LRRC37A2: variants seen among roughly 807,000 people sequenced by gnomAD.
LRRC37A2 encodes leucine rich repeat containing 37 member A2, also known as leucine-rich repeat-containing protein 37A2.
A neutral mutation model predicts 68.8 loss-of-function variants in LRRC37A2; 9 were observed. That is an observed-to-expected ratio of 0.13 (90% confidence interval 0.08 to 0.23). The LOEUF is 0.23. LRRC37A2 is among the 10% of genes least tolerant of loss of function. The pLI, the probability that LRRC37A2 is intolerant of heterozygous loss-of-function variation, is 1.00. For synonymous variants in LRRC37A2, 63 were observed against 367.6 expected (o/e 0.17, Z 9.48); for missense variants, 168 against 950.4 (o/e 0.18, Z 10.82).
At chr17:46,932,236 G>A in the LRRC37A2 span, 1 of 1,612,722 alleles carries the variant, frequency 6.2e-7, no homozygotes, top group Non-Finnish European at 8.5e-7. Context: ...GCCTGCACTT[G>A]ACAGATCGTG....
At chr17:46,873,750 G>A in the LRRC37A2 span, among the ~76,000 whole-genome samples, 1 of 150,870 alleles carries the variant, frequency 6.6e-6, no homozygotes, top group Non-Finnish European at 1.5e-5. Context: ...GCTCACACCT[G>A]TAATCCCAGC....
At chr17:46,953,915 A>G in the LRRC37A2 span, among the ~76,000 whole-genome samples, 2 of 152,032 alleles carry the variant, frequency 1.3e-5, no homozygotes, top group African/African-American at 4.8e-5. Flanking sequence ...GTTTGAGTTC[A>G]TTGTAGATTC....
the LRRC37A2 span, among the ~76,000 whole-genome samples, chr17:46,963,269 G>A: frequency 2.6e-5 from 4 of 152,258 alleles, no homozygotes; most frequent in African/African-American, 9.6e-5. Context: ...TGACAGCCAG[G>A]TGCAGTGGCT....
At chr17:46,633,333 G>GT in the LRRC37A2 span, among the ~76,000 whole-genome samples, 2 of 77,454 alleles carry the variant, frequency 2.6e-5, no homozygotes, top group Non-Finnish European at 5.3e-5. Flanking sequence ...TTTTTTTTTT[G>GT]TTTTTTTGAC....
chr17:46,933,087 C>G, the LRRC37A2 span: 1 of 152,294 alleles, frequency 6.6e-6, no homozygotes, highest in East Asian at 1.9e-4. Flanking sequence ...TTTAACAGTT[C>G]AAAAATTTAA....
chr17:46,959,762 C>T, the LRRC37A2 span, among the ~76,000 whole-genome samples: 45 of 152,310 alleles, frequency 3.0e-4, 2 homozygotes, highest in East Asian at 8.3e-3. Flanking sequence ...CACTACAAAA[C>T]TTTTCCCTTC....
At chr17:46,389,898 CAG>C in the LRRC37A2 span, among the ~76,000 whole-genome samples, 8 of 130,572 alleles carry the variant, frequency 6.1e-5, no homozygotes, top group African/African-American at 8.5e-5. Context: ...ATTTCTTAAA[CAG>C]AATATAAAAA....
At chr17:46,943,399 T>C in the LRRC37A2 span, among the ~76,000 whole-genome samples, 1 of 151,974 alleles carries the variant, frequency 6.6e-6, no homozygotes, top group Non-Finnish European at 1.5e-5. Context: ...CCGTCCTCCC[T>C]GGACTGCTTG....
At chr17:46,735,924 G>A in the LRRC37A2 span, among the ~76,000 whole-genome samples, 5 of 152,082 alleles carry the variant, frequency 3.3e-5, no homozygotes, top group Non-Finnish European at 7.4e-5. Flanking sequence ...CATCCTGGGT[G>A]GATGGAGTGA....
chr17:46,534,776 G>T (rs536213820), intron 6 of LRRC37A2, among the ~76,000 whole-genome samples: 1,844 of 149,508 alleles, frequency 0.012, 165 homozygotes, highest in African/African-American at 0.044. Flanking sequence ...GGGCAGCCGG[G>T]CAGAGGCGCC....
the LRRC37A2 span, among the ~76,000 whole-genome samples, chr17:46,990,369 C>T: frequency 6.6e-6 from 1 of 152,186 alleles, no homozygotes; most frequent in South Asian, 2.1e-4. Flanking sequence ...TGTAATTCAC[C>T]TGATAACATA....
At chr17:46,498,678 AAAAGT>A in the LRRC37A2 span, among the ~76,000 whole-genome samples, 1 of 143,486 alleles carries the variant, frequency 7.0e-6, no homozygotes, top group Non-Finnish European at 1.5e-5. Context: ...GCTCTAAAAT[AAAAGT>A]AAAAGAAGGT....
At chr17:46,828,697 C>T in the LRRC37A2 span, among the ~76,000 whole-genome samples, 1 of 151,880 alleles carries the variant, frequency 6.6e-6, no homozygotes, top group Non-Finnish European at 1.5e-5. Flanking sequence ...GTGGCTCATG[C>T]CTGTATTTCC....
chr17:46,502,007 G>A, the LRRC37A2 span, among the ~76,000 whole-genome samples: 2 of 151,242 alleles, frequency 1.3e-5, no homozygotes, highest in Non-Finnish European at 2.9e-5. Context: ...TCTAACCTGT[G>A]ACCATTTCAC....
chr17:46,818,888 G>A, the LRRC37A2 span: 1 of 489,918 alleles, frequency 2.0e-6, no homozygotes, highest in Non-Finnish European at 3.7e-6. Context: ...TCCGGGAAGG[G>A]CATCGCCCAG....
chr17:47,005,479 G>C, the LRRC37A2 span: 1 of 152,172 alleles, frequency 6.6e-6, no homozygotes, highest in Non-Finnish European at 1.5e-5. Context: ...AAATGGGATC[G>C]TGGTATGTAA....
the LRRC37A2 span, chr17:46,940,326 C>A: frequency 6.9e-7 from 1 of 1,454,490 alleles, no homozygotes; most frequent in South Asian, 1.4e-5. Context: ...AAGGAGCAAT[C>A]TGTGACTCCT....
the LRRC37A2 span, among the ~76,000 whole-genome samples, chr17:46,740,637 A>C: frequency 6.6e-6 from 1 of 151,178 alleles, no homozygotes; most frequent in African/African-American, 2.4e-5. Context: ...ATACTATGGC[A>C]TGGTCAGTAC....
At chr17:46,922,121 G>T in the LRRC37A2 span, among the ~76,000 whole-genome samples, 1 of 152,108 alleles carries the variant, frequency 6.6e-6, no homozygotes, top group Admixed American at 6.5e-5. Context: ...AAGAAAATGT[G>T]GCATATATAC....
Sources: allele counts gnomAD v4.1 joint callset (sites outside exome capture counted in the v4.1 genomes callset), GRCh38; gene constraint gnomAD v4.1.1; transcripts MANE v1.5; gene names NCBI Gene and HGNC (gene_info 2026-07-23, HGNC 2026-07-21).